UHRF2: variants seen among roughly 807,000 people sequenced by gnomAD.
UHRF2 encodes E3 ubiquitin-protein ligase UHRF2.
UHRF2 carries 23 observed loss-of-function variants against 96.8 expected under a neutral mutation model. The ratio of observed to expected loss-of-function variants is 0.24; its 90% CI spans 0.17 to 0.34. The LOEUF (loss-of-function observed/expected upper bound fraction) is 0.34. Ranked by LOEUF, UHRF2 falls within the 10% of genes least tolerant of loss-of-function variation. UHRF2 has a pLI of 1.00. For synonymous variants in UHRF2, 385 were observed against 332.6 expected, an observed-to-expected ratio of 1.16 and a Z score of -1.72; for missense variants, 685 against 981.5, an observed-to-expected ratio of 0.70 and a Z score of 4.04.
chr9:6,452,235 A>G (rs183640432), intron 3 of UHRF2, among the ~76,000 whole-genome samples: 1 of 152,268 alleles, frequency 6.6e-6, no homozygotes, highest in African/African-American at 2.4e-5. Flanking sequence ...ACCTGTTACA[A>G]ATAGTGCAGC....
At chr9:6,459,877 G>C (rs945090123) in intron 3 of UHRF2, among the ~76,000 whole-genome samples, 6 of 152,208 alleles carry the variant, frequency 3.9e-5, no homozygotes, top group African/African-American at 1.4e-4. Context: ...GGCAGCTCAG[G>C]CTCGGGGATT....
chr9:6,438,295 G>A (rs957070214), intron 3 of UHRF2, among the ~76,000 whole-genome samples: 2 of 152,148 alleles, frequency 1.3e-5, no homozygotes, highest in African/African-American at 4.8e-5. Flanking sequence ...AACCATAGAT[G>A]GGAAGACTTA....
At chr9:6,488,755 G>A (rs1182795870) in intron 9 of UHRF2, among the ~76,000 whole-genome samples, 3 of 151,462 alleles carry the variant, frequency 2.0e-5, no homozygotes, top group Non-Finnish European at 4.4e-5. Flanking sequence ...GCCCACCTCG[G>A]CTTCCCAAAG....
At chr9:6,493,608 G>T (rs1363707262) in intron 9 of UHRF2, among the ~76,000 whole-genome samples, 1 of 152,174 alleles carries the variant, frequency 6.6e-6, no homozygotes, top group African/African-American at 2.4e-5. Context: ...TGGAGATGTT[G>T]AAAAGTATAA....
chr9:6,413,946 T>C (rs1819438621), intron 1 of UHRF2: 2 of 230,888 alleles, frequency 8.7e-6, no homozygotes, highest in Admixed American at 1.2e-4. Flanking sequence ...GGTGCCCAGG[T>C]CCCTCGCTTC....
chr9:6,456,892 A>G (rs1478024075), intron 3 of UHRF2, among the ~76,000 whole-genome samples: 1 of 151,600 alleles, frequency 6.6e-6, no homozygotes, highest in Non-Finnish European at 1.5e-5. Flanking sequence ...ATTGGTCTAC[A>G]TGTCTGTTTT....
At position 6,451,117 on chromosome 9, in the gene UHRF2, C is replaced by T. The variant is rs190042940; in HGVS notation, c.645-9456C>T. Among the ~76,000 whole-genome samples, 201 of 152,298 alleles carry T rather than the reference C, an allele frequency of 1.3e-3. 1 individual carries two copies. The highest frequency in any genetic ancestry group is 2.4e-3 in the Non-Finnish European group (161 of 68,026). ...TATCACTGATTTGCTTTATCCTACT[C>T]ACGGTAGTTTCAGACTAACAATACT... On this transcript the variant is annotated intron_variant, in intron 3 of 15. Transcript: ENST00000276893.
rs768477571 is a variant in UHRF2 at position 6,506,070 on chromosome 9, C to G, written c.2300C>G (p.Ser767Cys). 4 of 1,614,176 alleles carry G rather than the reference C, an allele frequency of 2.5e-6. No individual in the cohort carries two copies. In the South Asian group the frequency reaches 4.4e-5, roughly 18 times the overall value. ...CGCTCCTTTAAGGCACAGGTTTTCT[C>G]CTGCCCTGCTTGCCGGCATGATCTT... ...LQRSFKAQVFSCPACRHDLGQ... is the reference protein window; with the variant it reads ...LQRSFKAQVFCCPACRHDLGQ... Residue 767 changes from serine to cysteine, a missense_variant, in exon 16 of 16, where the codon TCC becomes TGC. By Grantham distance (112) the Ser-to-Cys change is moderately radical. Around this residue, in one of 6 missense-constraint regions of UHRF2, gnomAD observed 71 missense variants for 114.1 expected, o/e 0.62. Coordinates refer to ENST00000276893, the MANE Select transcript of UHRF2 (RefSeq NM_152896.3).
At position 6,475,505 on chromosome 9, in the gene UHRF2, G is replaced by A. The variant is rs1823512369; in HGVS notation, c.973+5G>A. 1 of 1,570,778 alleles carries A rather than the reference G, an allele frequency of 6.4e-7. No homozygotes were observed. The highest frequency in any genetic ancestry group is 8.6e-7 in the Non-Finnish European group (1 of 1,157,320). Reference sequence around the variant, plus strand: ...TTGCAGATGGAAAGTTTTTAAGTATGGATTTTTGTTTTTGGTCTTAGACTA... The same window carrying A: ...TTGCAGATGGAAAGTTTTTAAGTATAGATTTTTGTTTTTGGTCTTAGACTA... On this transcript the variant is annotated splice_donor_5th_base_variant and intron_variant, in intron 5 of 15. Transcript: ENST00000276893.
chr9:6,458,098 T>C (rs1822295984), intron 3 of UHRF2, among the ~76,000 whole-genome samples: 1 of 152,242 alleles, frequency 6.6e-6, no homozygotes, highest in African/African-American at 2.4e-5. Context: ...ACCTCCTCTT[T>C]GTACCTCTGG....
At chr9:6,421,637 G>A (rs1819936972) in intron 2 of UHRF2, among the ~76,000 whole-genome samples, 2 of 152,010 alleles carry the variant, frequency 1.3e-5, no homozygotes, top group Admixed American at 6.6e-5. Context: ...GGCTAGTCTC[G>A]AACTCCTGAC....
chr9:6,453,381 T>C (rs1821985323), intron 3 of UHRF2, among the ~76,000 whole-genome samples: 3 of 152,202 alleles, frequency 2.0e-5, no homozygotes, highest in South Asian at 4.1e-4. Context: ...AGAATGATGA[T>C]AATGTGTTGT....
chr9:6,448,142 G>A (rs765504236), intron 3 of UHRF2, among the ~76,000 whole-genome samples: 2 of 152,170 alleles, frequency 1.3e-5, no homozygotes, highest in Admixed American at 6.5e-5. Context: ...GAATTTGACA[G>A]AGGCTCTAGA....
rs535059104 is a variant in UHRF2, at chr9:6,488,827, T to G, written c.1497+1902T>G. Among the ~76,000 whole-genome samples the G allele has an allele frequency of 2.0e-4, 31 of 151,704 alleles. 1 individual carries two copies. The highest frequency in any genetic ancestry group is 1.1e-3 in the Admixed American group (16 of 15,222). On this transcript the variant is annotated intron_variant, in intron 9 of 15. Transcript: ENST00000276893. Reference sequence around the variant, plus strand: ...TTTTTTTTTTGTTTTGTTTTGTTTTTTTTGAGATAGAGTCTCACTCTGTCT... The same window carrying G: ...TTTTTTTTTTGTTTTGTTTTGTTTTGTTTGAGATAGAGTCTCACTCTGTCT...
At position 6,477,674 on chromosome 9, in the gene UHRF2, T is replaced by C; in HGVS notation, c.1026T>C (p.Cys342=). ...GTGGTGGAGACCCAGAAAAGAAATG[T>C]CATTCTTGCTCCTGTCGTGTATGTG... is the stretch of plus-strand genomic sequence containing the variant. ...DLCGGDPEKK[C]HSCSCRVCGG... The change falls in exon 6 of 16, where the codon TGT becomes TGC. Residue 342 remains cysteine (C), a synonymous_variant. Coordinates refer to ENST00000276893, the MANE Select transcript of UHRF2 (RefSeq NM_152896.3). The C allele has an allele frequency of 6.2e-7, 1 of 1,614,150 alleles. No individual in the cohort carries two copies. The highest frequency in any genetic ancestry group is 1.1e-5 in the South Asian group (1 of 91,074).
chr9:6,418,885 G>T (rs992149975), intron 1 of UHRF2, among the ~76,000 whole-genome samples: 1 of 152,122 alleles, frequency 6.6e-6, no homozygotes, highest in Admixed American at 6.5e-5. Flanking sequence ...CAGCAGGGCC[G>T]TCCTCTGATA....
At chr9:6,422,649 AC>A in intron 2 of UHRF2, 1 of 650,752 alleles carries the variant, frequency 1.5e-6, no homozygotes, top group Non-Finnish European at 2.9e-6. Flanking sequence ...TGGCTCTGTC[AC>A]CCAGGCTGTA....
At chr9:6,417,254 T>G (rs534284161) in intron 1 of UHRF2, among the ~76,000 whole-genome samples, 1 of 152,150 alleles carries the variant, frequency 6.6e-6, no homozygotes, top group Admixed American at 6.5e-5. Context: ...TTCAACTCAG[T>G]AAAATTTCAA....
chr9:6,480,707 G>A (rs2130907636), intron 6 of UHRF2, among the ~76,000 whole-genome samples: 1 of 152,180 alleles, frequency 6.6e-6, no homozygotes, highest in Non-Finnish European at 1.5e-5. Context: ...CTTTTCTTTA[G>A]GACAGTTTAT....
Sources: allele counts gnomAD v4.1 joint callset (sites outside exome capture counted in the v4.1 genomes callset), GRCh38; gene constraint gnomAD v4.1.1; regional missense constraint gnomAD v4.1.1; transcripts MANE v1.5; gene names NCBI Gene and HGNC (gene_info 2026-07-23, HGNC 2026-07-21).